The following KCNQ5 variants were observed in gnomAD, a reference collection of about 807,000 sequenced individuals.
KCNQ5 encodes the protein potassium voltage-gated channel subfamily KQT member 5.
In KCNQ5, 30 loss-of-function variants were observed where a neutral mutation model predicts 98.2. That is an observed-to-expected ratio of 0.31 (90% confidence interval 0.23 to 0.41). The LOEUF (loss-of-function observed/expected upper bound fraction) is 0.41, where lower values mean the gene tolerates loss of function less well. Among genes scored for constraint, KCNQ5 ranks in the 10% least tolerant of loss-of-function variants. The probability of loss-of-function intolerance (pLI) is 1.00; values close to 1 mark genes in which losing one functional copy is unlikely to be tolerated. For synonymous variants in KCNQ5, 458 were observed against 449.4 expected, an observed-to-expected ratio of 1.02 and a Z score of -0.24; for missense variants, 835 against 1,182.5, an observed-to-expected ratio of 0.71 and a Z score of 4.31.
At chr6:72,816,878 A>G (rs1429803997) in intron 1 of KCNQ5, among the ~76,000 whole-genome samples, 1 of 152,214 alleles carries the variant, frequency 6.6e-6, no homozygotes, top group Non-Finnish European at 1.5e-5. Context: ...TGGAAAAGGA[A>G]ACTAGACTCT....
At chr6:72,652,173 A>G (rs1408234318) in intron 1 of KCNQ5, among the ~76,000 whole-genome samples, 1 of 151,700 alleles carries the variant, frequency 6.6e-6, no homozygotes, top group African/African-American at 2.4e-5. Context: ...TCTCCGGGAC[A>G]TTGAAAGGAA....
intron 1 of KCNQ5, among the ~76,000 whole-genome samples, chr6:72,821,967 C>T (rs1236899609): frequency 2.6e-5 from 4 of 152,106 alleles, no homozygotes; most frequent in African/African-American, 9.7e-5. Flanking sequence ...AGCCCCTGAA[C>T]GGCCCTATCT....
intron 7 of KCNQ5, among the ~76,000 whole-genome samples, chr6:73,112,509 C>G (rs1237622257): frequency 1.3e-5 from 2 of 152,120 alleles, no homozygotes; most frequent in Non-Finnish European, 2.9e-5. Flanking sequence ...CCGCGCCCGG[C>G]TAATTTTTTG....
chr6:73,043,868 T>A (rs1771833002), intron 3 of KCNQ5, among the ~76,000 whole-genome samples: 1 of 152,238 alleles, frequency 6.6e-6, no homozygotes, highest in South Asian at 2.1e-4. Flanking sequence ...CACATCTTAG[T>A]CCTTTAGTCT....
chr6:73,095,773 C>A (rs1774459990), intron 5 of KCNQ5, among the ~76,000 whole-genome samples: 1 of 152,136 alleles, frequency 6.6e-6, no homozygotes, highest in South Asian at 2.1e-4. Flanking sequence ...TGATGTGAAC[C>A]ATCTGTGGGT....
intron 1 of KCNQ5, among the ~76,000 whole-genome samples, chr6:72,909,790 A>G (rs1254386365): frequency 7.5e-4 from 114 of 152,370 alleles, no homozygotes; most frequent in African/African-American, 2.7e-3. Context: ...CTAAATTAAT[A>G]GACTGACTGT....
chr6:72,689,297 T>C (rs764523142), intron 1 of KCNQ5, among the ~76,000 whole-genome samples: 9 of 152,204 alleles, frequency 5.9e-5, no homozygotes, highest in Non-Finnish European at 1.2e-4. Flanking sequence ...ATGAGTCTAA[T>C]TCCCCTGGGA....
At chr6:72,717,123 G>A (rs1267838547) in intron 1 of KCNQ5, among the ~76,000 whole-genome samples, 2 of 152,204 alleles carry the variant, frequency 1.3e-5, no homozygotes, top group African/African-American at 4.8e-5. Flanking sequence ...AATCTGATGA[G>A]CTTCATAAAC....
At position 72,761,543 on chromosome 6, in the gene KCNQ5, T is replaced by C. The variant is rs149418909; in HGVS notation, c.398+138956T>C. 3.5e-3 allele frequency among the ~76,000 whole-genome samples: 529 copies of C among 151,944 alleles called. 2 individuals carry two copies. Among genetic ancestry groups the C allele is most frequent in the Non-Finnish European group, 5.2e-3 (353 of 67,896 alleles). ...CTTAATAACCTACTAAACACTTCCA[T>C]GTAAATCATATTTAATCATCATAAA... is the stretch of plus-strand genomic sequence containing the variant. On this transcript the variant is annotated intron_variant, in intron 1 of 13. Transcript: ENST00000370398.
intron 1 of KCNQ5, among the ~76,000 whole-genome samples, chr6:72,932,411 T>C (rs1765728490): frequency 6.6e-6 from 1 of 152,148 alleles, no homozygotes; most frequent in South Asian, 2.1e-4. Context: ...GCATCTTATT[T>C]AGATTTTCTT....
intron 1 of KCNQ5, among the ~76,000 whole-genome samples, chr6:72,691,513 G>A (rs1768212738): frequency 6.6e-6 from 1 of 152,156 alleles, no homozygotes; most frequent in Non-Finnish European, 1.5e-5. Flanking sequence ...CGCCGAAGAC[G>A]AATACTCTAT....
intron 1 of KCNQ5, among the ~76,000 whole-genome samples, chr6:72,642,308 T>C (rs564128183): frequency 6.6e-6 from 1 of 151,980 alleles, no homozygotes; most frequent in Non-Finnish European, 1.5e-5. Flanking sequence ...CTTTTCTTTT[T>C]AAATTCTTAT....
intron 3 of KCNQ5, chr6:73,055,988 A>C: frequency 2.6e-6 from 1 of 388,074 alleles, no homozygotes; most frequent in South Asian, 2.2e-5. Flanking sequence ...TCCCATTTTC[A>C]TTTTAGCCAT....
chr6:73,112,402 GTGGTGCGATCTCGGC>G (rs1775280863), intron 7 of KCNQ5, among the ~76,000 whole-genome samples: 1 of 151,232 alleles, frequency 6.6e-6, no homozygotes, highest in Non-Finnish European at 1.5e-5. Context: ...CTGGAGTGCA[GTGGTGCGATCTCGGC>G]TCACTGCAAG....
chr6:72,804,045 A>G (rs1250107795), intron 1 of KCNQ5, among the ~76,000 whole-genome samples: 2 of 152,084 alleles, frequency 1.3e-5, no homozygotes, highest in East Asian at 3.8e-4. Context: ...GACTTTTTTG[A>G]GAAATGCTTT....
At chr6:73,186,805 A>T (rs184242966) in intron 11 of KCNQ5, among the ~76,000 whole-genome samples, 4,746 of 151,966 alleles carry the variant, frequency 0.031, 91 homozygotes, top group East Asian at 0.068. Context: ...TTCTTTTTTT[A>T]AAATACTTTA....
chr6:73,063,724 T>G (rs1476855591), intron 3 of KCNQ5, among the ~76,000 whole-genome samples: 1 of 96,436 alleles, frequency 1.0e-5, no homozygotes. Flanking sequence ...AGATAGATGA[T>G]AGATAGATAG....
chr6:72,623,592 T>G (rs2098916667), intron 1 of KCNQ5, among the ~76,000 whole-genome samples: 1 of 152,198 alleles, frequency 6.6e-6, no homozygotes, highest in African/African-American at 2.4e-5. Flanking sequence ...TACGTTTATC[T>G]GGGCATTTTA....
chr6:72,660,653 A>G (rs1766470521), intron 1 of KCNQ5, among the ~76,000 whole-genome samples: 1 of 152,080 alleles, frequency 6.6e-6, no homozygotes, highest in Admixed American at 6.6e-5. Context: ...CTTGCACTTC[A>G]CTCCTCATTA....
Sources: allele counts gnomAD v4.1 joint callset (sites outside exome capture counted in the v4.1 genomes callset), GRCh38; gene constraint gnomAD v4.1.1; transcripts MANE v1.5; gene names NCBI Gene and HGNC (gene_info 2026-07-23, HGNC 2026-07-21).